TUSC3: variants seen among roughly 807,000 people sequenced by gnomAD.
TUSC3 encodes the protein dolichyl-diphosphooligosaccharide--protein glycosyltransferase subunit TUSC3.
A neutral mutation model predicts 44.8 loss-of-function variants in TUSC3; 45 were observed. That is an observed-to-expected ratio of 1.00 (90% CI 0.79 to 1.29). The LOEUF (loss-of-function observed/expected upper bound fraction) is 1.29, where lower values mean the gene tolerates loss of function less well. Ranked by LOEUF, TUSC3 falls within the 50% of genes most tolerant of loss-of-function variation. The pLI, the probability that TUSC3 is intolerant of heterozygous loss-of-function variation, is 0.00. For missense variants in TUSC3, 519 were observed against 437.9 expected, an observed-to-expected ratio of 1.19 and a Z score of -1.65; for synonymous variants, 212 against 152.9, an observed-to-expected ratio of 1.39 and a Z score of -2.85.
At chr8:15,499,102 C>G (rs1196246400) in intron 2 of TUSC3, among the ~76,000 whole-genome samples, 1 of 152,066 alleles carries the variant, frequency 6.6e-6, no homozygotes, top group Non-Finnish European at 1.5e-5. Flanking sequence ...TCACCCACTA[C>G]TTTTCATGGT....
At chr8:15,851,356 G>T in the TUSC3 span, among the ~76,000 whole-genome samples, 1 of 152,136 alleles carries the variant, frequency 6.6e-6, no homozygotes, top group Non-Finnish European at 1.5e-5. Flanking sequence ...AAGGGACAAT[G>T]TACAATAGGT....
chr8:15,775,560 G>A, the TUSC3 span, among the ~76,000 whole-genome samples: 11 of 151,354 alleles, frequency 7.3e-5, no homozygotes, highest in East Asian at 7.8e-4. Flanking sequence ...TCTCTTATCC[G>A]GACTTCAGTG....
chr8:15,589,043 A>T (rs765789845), intron 1 of TUSC3, among the ~76,000 whole-genome samples: 1 of 151,970 alleles, frequency 6.6e-6, no homozygotes, highest in Non-Finnish European at 1.5e-5. Flanking sequence ...TTCGGAGTGC[A>T]GTTTATCATT....
At chr8:15,666,489 T>C (rs1367843775) in intron 5 of TUSC3, among the ~76,000 whole-genome samples, 2 of 151,338 alleles carry the variant, frequency 1.3e-5, no homozygotes, top group African/African-American at 4.8e-5. Flanking sequence ...GATTAGTATA[T>C]GTCATTATAC....
rs3827507 is a variant in TUSC3 at position 15,650,830 on chromosome 8, G to A, written c.426+16G>A. On this transcript the variant is annotated intron_variant, in intron 3 of 10. Coordinates refer to ENST00000503731, the MANE Select transcript of TUSC3 (RefSeq NM_006765.4). ...TTTTCAGCAGGTAAAGAGTTATATC[G>A]TATTCATATATTTAACATAGTTGTT... The A allele has an allele frequency of 3.0e-4, 482 of 1,597,770 alleles. 6 individuals are homozygous for A. The East Asian group carries it at 9.9e-3, about 33-fold the overall frequency.
rs1554508700 is a variant in TUSC3 at position 15,512,949 on chromosome 8, T to TATATATATAATC, written n.189+29475_189+29476insATCATATATATA. Among the ~76,000 whole-genome samples, 13 of 141,062 alleles carry TATATATATAATC rather than the reference T, an allele frequency of 9.2e-5. 1 individual carries two copies. Among genetic ancestry groups the TATATATATAATC allele is most frequent in the South Asian group, 4.4e-4 (2 of 4,562 alleles). The allele number at this position is 141,062 out of a possible 152,430, so 92.5% of individuals were successfully genotyped here. On this transcript the variant is annotated intron_variant and non_coding_transcript_variant, in intron 2 of 5. Transcript: ENST00000503191. ...ATATAATCATATATATATATATATA[T>TATATATATAATC]ATATATATATGATTCTTTTTCTCTG...
At chr8:15,752,065 A>T (rs557289479) in intron 9 of TUSC3, among the ~76,000 whole-genome samples, 133 of 152,260 alleles carry the variant, frequency 8.7e-4, no homozygotes, top group Non-Finnish European at 1.4e-3. Flanking sequence ...ACCGGGGAAT[A>T]ACAATATAAA....
intron 1 of TUSC3, among the ~76,000 whole-genome samples, chr8:15,457,084 G>A (rs1800265941): frequency 1.3e-5 from 2 of 150,260 alleles, no homozygotes; most frequent in South Asian, 4.3e-4. Flanking sequence ...ACCAAACACT[G>A]CGTGTTCTCA....
the TUSC3 span, among the ~76,000 whole-genome samples, chr8:15,852,004 A>G: frequency 2.6e-5 from 4 of 152,006 alleles, no homozygotes; most frequent in Admixed American, 6.6e-5. Context: ...GCCATGTGAG[A>G]TGTGCCTTTT....
At chr8:15,730,877 C>A in intron 7 of TUSC3, 148 bp downstream of exon 7, 1 of 706,794 alleles carries the variant, frequency 1.4e-6, no homozygotes, top group Non-Finnish European at 2.4e-6. Flanking sequence ...ATTTTTTATG[C>A]TAATTATTTC....
chr8:15,484,485 C>T (rs912026291), intron 2 of TUSC3, among the ~76,000 whole-genome samples: 14 of 152,272 alleles, frequency 9.2e-5, no homozygotes, highest in East Asian at 3.9e-4. Context: ...AGAGCAAGTA[C>T]GAAATAATCC....
chr8:15,723,507 A>G (rs562957685), intron 6 of TUSC3, among the ~76,000 whole-genome samples: 2 of 152,162 alleles, frequency 1.3e-5, no homozygotes, highest in Non-Finnish European at 2.9e-5. Flanking sequence ...TGTCACCTGG[A>G]TGTAGATAAT....
intron 8 of TUSC3, among the ~76,000 whole-genome samples, chr8:15,746,271 GATGT>G (rs1811411439): frequency 6.6e-6 from 1 of 152,028 alleles, no homozygotes; most frequent in Non-Finnish European, 1.5e-5. Flanking sequence ...TCTCTTGGTA[GATGT>G]TTGTTTCTCT....
At position 15,669,768 on chromosome 8, in the gene TUSC3, G is replaced by C. The variant is rs186770149; in HGVS notation, c.709-3979G>C. Among the ~76,000 whole-genome samples, 4 of 151,756 alleles carry C rather than the reference G, an allele frequency of 2.6e-5. No individual in the cohort carries two copies. In the Admixed American group the frequency reaches 2.6e-4, roughly 10 times the overall value. On this transcript the variant is annotated intron_variant, in intron 5 of 10. Coordinates refer to ENST00000503731, the MANE Select transcript of TUSC3 (RefSeq NM_006765.4). ...TTTGGCAACTTCCTAAAATTCCTGA[G>C]ATAAGGAATAATACAAGATGCCTGC...
At chr8:15,738,555 A>G (rs991124382) in intron 7 of TUSC3, among the ~76,000 whole-genome samples, 4 of 152,086 alleles carry the variant, frequency 2.6e-5, no homozygotes, top group Non-Finnish European at 4.4e-5. Flanking sequence ...CAGACTCCAT[A>G]TGACTTGCAT....
chr8:15,529,322 T>C (rs1391483804), intron 2 of TUSC3, among the ~76,000 whole-genome samples: 1 of 152,210 alleles, frequency 6.6e-6, no homozygotes, highest in Non-Finnish European at 1.5e-5. Flanking sequence ...AAAGATCATA[T>C]GCAAAGGCTT....
At chr8:15,659,440 A>C in intron 3 of TUSC3, 67 bp from the exon 4 acceptor site, 5 of 1,568,784 alleles carry the variant, frequency 3.2e-6, no homozygotes, top group Non-Finnish European at 4.3e-6. Context: ...TCTACAGAAA[A>C]AGTGTAAAAT....
intron 6 of TUSC3, among the ~76,000 whole-genome samples, chr8:15,696,296 G>A (rs767915724): frequency 4.6e-5 from 7 of 152,284 alleles, no homozygotes; most frequent in East Asian, 1.9e-4. Context: ...TGTGGATTCC[G>A]AGGGCACAAG....
intron 1 of TUSC3, among the ~76,000 whole-genome samples, chr8:15,483,153 C>G (rs1800684570): frequency 6.6e-6 from 1 of 152,042 alleles, no homozygotes; most frequent in Non-Finnish European, 1.5e-5. Context: ...CATATAAGCT[C>G]TTTTAAGTTA....
Sources: allele counts gnomAD v4.1 joint callset (sites outside exome capture counted in the v4.1 genomes callset), GRCh38; gene constraint gnomAD v4.1.1; transcripts MANE v1.5; gene names NCBI Gene and HGNC (gene_info 2026-07-23, HGNC 2026-07-21).